Variants in ABCA12 observed in about 807,000 individuals in gnomAD.
ABCA12 encodes the protein ATP binding cassette subfamily A member 12.
ABCA12 carries 156 observed loss-of-function variants against 293.5 expected under a neutral mutation model. That is an observed-to-expected ratio of 0.53 (90% CI 0.47 to 0.61). The LOEUF (loss-of-function observed/expected upper bound fraction) is 0.61. Ranked by LOEUF, ABCA12 falls within the 20% of genes least tolerant of loss-of-function variation. The probability of loss-of-function intolerance (pLI) is 0.00; values close to 1 mark genes in which losing one functional copy is unlikely to be tolerated. For missense variants in ABCA12, 2,797 were observed against 3,090.2 expected (o/e 0.91, Z 2.25); for synonymous variants, 1,063 against 1,108.0 (o/e 0.96, Z 0.81).
intron 8 of ABCA12, among the ~76,000 whole-genome samples, chr2:215,033,117 C>A (rs1338764045): frequency 6.6e-6 from 1 of 152,116 alleles, no homozygotes; most frequent in African/African-American, 2.4e-5. Flanking sequence ...GTGCTCTGTT[C>A]ACGATGCAGC....
intron 39 of ABCA12, among the ~76,000 whole-genome samples, chr2:214,965,519 A>G (rs932793847): frequency 3.9e-5 from 6 of 152,142 alleles, no homozygotes; most frequent in African/African-American, 1.4e-4. Context: ...TCTTTAAAGA[A>G]CTTAAATTTA....
intron 1 of ABCA12, among the ~76,000 whole-genome samples, chr2:215,125,661 C>T (rs1382605804): frequency 1.3e-5 from 2 of 152,096 alleles, no homozygotes; most frequent in Admixed American, 1.3e-4. Flanking sequence ...GGAAACTTCA[C>T]TGAATTATTT....
At chr2:215,045,711 A>G (rs546288774) in intron 7 of ABCA12, 126 bp downstream of exon 7, 204 of 858,916 alleles carry the variant, frequency 2.4e-4, no homozygotes, top group Non-Finnish European at 3.3e-4. Flanking sequence ...AATCTGCAAT[A>G]AGAGGCTGAA....
At chr2:215,118,564 T>C (rs1228452054) in intron 1 of ABCA12, among the ~76,000 whole-genome samples, 1 of 152,132 alleles carries the variant, frequency 6.6e-6, no homozygotes, top group Non-Finnish European at 1.5e-5. Context: ...TGGAGAGTTT[T>C]AAGGAAATTT....
In ABCA12 at chr2:215,107,236, A is replaced by G. The variant is rs895464426; in HGVS notation, c.163+4361T>C. Among the ~76,000 whole-genome samples, 4 of 152,184 alleles carry G rather than the reference A, an allele frequency of 2.6e-5. No individual in the cohort carries two copies. The East Asian group carries it at 7.7e-4, about 29-fold the overall frequency. On this transcript the variant is annotated intron_variant, in intron 2 of 52. Coordinates refer to ENST00000272895, the MANE Select transcript of ABCA12 (RefSeq NM_173076.3). ...GGACATTCATGGGTATGTGTGTATT[A>G]AAGGGAGACAAAATAAGCTTGCCGC...
At position 214,970,320 on chromosome 2, in the gene ABCA12, T is replaced by G; in HGVS notation, c.5643A>C (p.Arg1881=). 6.2e-7 allele frequency: 1 copy of G among 1,613,254 alleles called. No individual in the cohort carries two copies. ...CAGTTGATATAAGATAATTTTCCAC[T>G]CGTTGCCCAGTGAGGTTATAAATTA... The part of the protein sequence containing the change: ...SQVIYNLTGQ[R]VENYLISTAN... Residue 1881 remains arginine, a synonymous_variant, in exon 37 of 53, where the codon CGA becomes CGC. Transcript: ENST00000272895.
At chr2:214,946,542 G>A in intron 48 of ABCA12, among the ~76,000 whole-genome samples, 1 of 152,088 alleles carries the variant, frequency 6.6e-6, no homozygotes, top group Admixed American at 6.6e-5. Context: ...TGCATTATAA[G>A]CTTCTGGTAT....
At chr2:214,996,825 A>T (rs1199255663) in intron 23 of ABCA12, among the ~76,000 whole-genome samples, 2 of 152,182 alleles carry the variant, frequency 1.3e-5, no homozygotes, top group East Asian at 3.9e-4. Flanking sequence ...AAGTCTGAAA[A>T]GGACAAGTGG....
chr2:215,122,551 C>T (rs1318737478), intron 1 of ABCA12, among the ~76,000 whole-genome samples: 1 of 152,176 alleles, frequency 6.6e-6, no homozygotes, highest in Non-Finnish European at 1.5e-5. Flanking sequence ...TTGGGGATTG[C>T]AGGAGGGTAT....
Position 214,955,255 on chromosome 2 carries a change from T to C in ABCA12, c.6340A>G (p.Ile2114Val), listed in dbSNP as rs1362768081. 1 of 1,613,988 alleles carries C rather than the reference T, an allele frequency of 6.2e-7. No homozygotes were observed. ...CVNLFFGINS[I>V]VSLSVVYFLS... ...AAGTATACCACTGACAGGGAAACAATGGAATTAATGCCAAAAAACAAGTTG... is the reference window on the plus strand; with the variant it reads ...AAGTATACCACTGACAGGGAAACAACGGAATTAATGCCAAAAAACAAGTTG... The change falls in exon 43 of 53, where the codon ATT becomes GTT. Residue 2114 changes from isoleucine to valine, a missense_variant. Coordinates refer to ENST00000272895, the MANE Select transcript of ABCA12 (RefSeq NM_173076.3).
At chr2:215,075,215 C>T (rs1035302477) in intron 2 of ABCA12, among the ~76,000 whole-genome samples, 4 of 152,020 alleles carry the variant, frequency 2.6e-5, no homozygotes, top group African/African-American at 7.2e-5. Flanking sequence ...GTTCTCCCTT[C>T]GACACTTCTA....
In ABCA12 at chr2:215,120,454, G is replaced by A. The variant is rs1286840715; in HGVS notation, c.70-8764C>T. Among the ~76,000 whole-genome samples, 3 of 152,108 alleles carry A rather than the reference G, an allele frequency of 2.0e-5. No individual in the cohort carries two copies. The South Asian group carries it at 6.2e-4, about 32-fold the overall frequency. ...TAATATGACATAGGAAGTAAAGAAT[G>A]CAAGAGAAAGATAAAGAAAGCTGAG... On this transcript the variant is annotated intron_variant, in intron 1 of 52. Coordinates refer to ENST00000272895, the MANE Select transcript of ABCA12 (RefSeq NM_173076.3).
chr2:215,135,821 G>A (rs1703213751), intron 1 of ABCA12, among the ~76,000 whole-genome samples: 1 of 151,638 alleles, frequency 6.6e-6, no homozygotes, highest in South Asian at 2.1e-4. Context: ...CTTTTTAAGT[G>A]TAATGCCATC....
intron 33 of ABCA12, among the ~76,000 whole-genome samples, chr2:214,976,248 CT>C (rs1015100513): frequency 6.6e-6 from 1 of 152,278 alleles, no homozygotes; most frequent in East Asian, 1.9e-4. Flanking sequence ...TCATATAGAA[CT>C]GTGTGTAAAG....
chr2:214,980,528 C>A lies in ABCA12; in HGVS notation c.4695G>T (p.Lys1565Asn), dbSNP rs1353315831. Residue 1565 changes from lysine (K) to asparagine (N), a missense_variant, in exon 31 of 53, where the codon AAG becomes AAT. Lys to Asn is a moderately conservative substitution (Grantham distance 94). Transcript: ENST00000272895. ...LRCCGSPFYL[K>N]EAFGDGYHLT... ...GGTGATACCCATCGCCAAAGGCTTCCTTGAGGTAAAATGGGGACCCACAGC... is the reference window on the plus strand; with the variant it reads ...GGTGATACCCATCGCCAAAGGCTTCATTGAGGTAAAATGGGGACCCACAGC... 4 of 1,613,902 alleles carry A rather than the reference C, an allele frequency of 2.5e-6. No homozygotes were observed. Among genetic ancestry groups the A allele is most frequent in the Non-Finnish European group, 3.4e-6 (4 of 1,179,966 alleles).
intron 2 of ABCA12, among the ~76,000 whole-genome samples, chr2:215,071,017 C>CA (rs1170066198): frequency 6.6e-6 from 1 of 151,438 alleles, no homozygotes; most frequent in African/African-American, 2.4e-5. Flanking sequence ...CCTGTTTCTA[C>CA]AAAAAATACA....
intron 2 of ABCA12, among the ~76,000 whole-genome samples, chr2:215,089,228 G>C (rs1387164793): frequency 2.0e-5 from 3 of 150,542 alleles, no homozygotes; most frequent in African/African-American, 7.3e-5. Flanking sequence ...TTTATGCTCA[G>C]TTTCCATATA....
At chr2:215,122,932 A>G (rs1330067151) in intron 1 of ABCA12, among the ~76,000 whole-genome samples, 1 of 152,072 alleles carries the variant, frequency 6.6e-6, no homozygotes, top group African/African-American at 2.4e-5. Context: ...TTTCTCACCC[A>G]TCATCCCTTC....
chr2:214,947,796 C>T lies in ABCA12; in HGVS notation c.7105-240G>A, dbSNP rs1054027097. On this transcript the variant is annotated intron_variant, in intron 47 of 52. Transcript: ENST00000272895. ...TTTCAGATGGGATTCCCTCCCCCAC[C>T]AAACGTGTGTGTGTGTTTACAATTG... 2.1e-4 allele frequency: 108 copies of T among 514,438 alleles called. No individual in the cohort carries two copies. In the Middle Eastern group the frequency reaches 2.2e-3, roughly 10 times the overall value. The allele number at this position is 514,438 out of a possible 1,614,324, so 31.9% of individuals were successfully genotyped here.
Sources: gnomAD v4.1 joint callset for allele counts (sites outside exome capture counted in the v4.1 genomes callset) on GRCh38, gnomAD v4.1.1 for gene constraint, MANE v1.5 for transcripts, NCBI Gene and HGNC (gene_info 2026-07-23, HGNC 2026-07-21) for gene names.